Variants in CSMD1 observed in about 807,000 individuals in gnomAD.
CSMD1 encodes CUB and Sushi multiple domains 1.
A neutral mutation model predicts 417.5 loss-of-function variants in CSMD1; 213 were observed. The ratio of observed to expected loss-of-function variants is 0.51; its 90% CI spans 0.46 to 0.57. CSMD1 has a LOEUF of 0.57. Ranked by LOEUF, CSMD1 falls within the 20% of genes least tolerant of loss-of-function variation. The pLI, the probability that CSMD1 is intolerant of heterozygous loss-of-function variation, is 0.00. For synonymous variants in CSMD1, 2,862 were observed against 1,736.8 expected, an observed-to-expected ratio of 1.65 and a Z score of -16.11; for missense variants, 6,923 against 4,529.7, an observed-to-expected ratio of 1.53 and a Z score of -15.17.
At chr8:4,291,488 C>T (rs1042299139) in intron 3 of CSMD1, among the ~76,000 whole-genome samples, 24 of 152,162 alleles carry the variant, frequency 1.6e-4, no homozygotes, top group Admixed American at 3.9e-4. Flanking sequence ...TACTAATTCC[C>T]AGTGATTCTG....
chr8:4,073,612 G>C (rs1437013324), intron 3 of CSMD1, among the ~76,000 whole-genome samples: 3 of 152,162 alleles, frequency 2.0e-5, no homozygotes, highest in African/African-American at 7.2e-5. Context: ...GATAAATAAA[G>C]CAAAATGAAT....
rs750116160 is a variant in CSMD1 at position 3,359,277 on chromosome 8, T to C, written c.3179A>G (p.His1060Arg). 1.9e-6 allele frequency: 3 copies of C among 1,613,736 alleles called. No homozygotes were observed. The highest frequency in any genetic ancestry group is 1.1e-5 in the South Asian group (1 of 91,066). The change falls in exon 21 of 70, where the codon CAC becomes CGC. Residue 1060 changes from histidine to arginine, a missense_variant. By Grantham distance (29) the His-to-Arg change is conservative. Transcript: ENST00000635120. ...CGTCAGAGAGTCTCCCACACCAAAG[T>C]GAAAACCAATTCTTCGGCTGAAGGC... ...VPAFSRRIGF[H>R]FGVGDSLTFS...
intron 3 of CSMD1, among the ~76,000 whole-genome samples, chr8:4,392,664 TA>T (rs199920600): frequency 0.03 from 4,477 of 147,378 alleles, 207 homozygotes; most frequent in African/African-American, 0.1. Context: ...TTATTATTAT[TA>T]TTTTTTTTTG....
At chr8:4,718,567 T>C (rs1254368695) in intron 1 of CSMD1, among the ~76,000 whole-genome samples, 1 of 151,930 alleles carries the variant, frequency 6.6e-6, no homozygotes, top group Non-Finnish European at 1.5e-5. Flanking sequence ...AAGAAAAAAT[T>C]TATAAAACAT....
chr8:3,076,177 T>G (rs528172326), intron 49 of CSMD1, among the ~76,000 whole-genome samples: 1 of 152,234 alleles, frequency 6.6e-6, no homozygotes, highest in Non-Finnish European at 1.5e-5. Context: ...CTCACAGTCC[T>G]GGAGGCCGGA....
chr8:4,155,993 A>G (rs1404635080), intron 3 of CSMD1, among the ~76,000 whole-genome samples: 1 of 152,182 alleles, frequency 6.6e-6, no homozygotes, highest in African/African-American at 2.4e-5. Context: ...ATAAACATCA[A>G]AAAAGCCTAA....
chr8:4,636,400 T>A (rs1046987037), intron 2 of CSMD1, among the ~76,000 whole-genome samples: 1 of 152,164 alleles, frequency 6.6e-6, no homozygotes, highest in African/African-American at 2.4e-5. Flanking sequence ...AAATTACGAA[T>A]AGATTGTACC....
intron 5 of CSMD1, among the ~76,000 whole-genome samples, chr8:3,953,287 T>C (rs989696575): frequency 1.3e-5 from 2 of 152,166 alleles, no homozygotes; most frequent in Non-Finnish European, 2.9e-5. Context: ...AGAATTCAAC[T>C]CAGAAATTCT....
At chr8:3,991,572 G>C (rs543590571) in intron 5 of CSMD1, among the ~76,000 whole-genome samples, 1 of 152,154 alleles carries the variant, frequency 6.6e-6, no homozygotes, top group African/African-American at 2.4e-5. Context: ...AAAGAAACAC[G>C]TAAGAGTAGC....
chr8:4,301,480 G>A (rs1207649016), intron 3 of CSMD1, among the ~76,000 whole-genome samples: 2 of 152,168 alleles, frequency 1.3e-5, no homozygotes, highest in South Asian at 2.1e-4. Context: ...GGATCTTGAT[G>A]CCACTTGCAT....
chr8:3,299,519 A>G (rs1043610447), intron 25 of CSMD1, among the ~76,000 whole-genome samples: 2 of 152,012 alleles, frequency 1.3e-5, no homozygotes, highest in African/African-American at 2.4e-5. Context: ...CAGGCACGTG[A>G]GGAAAAGCAC....
intron 12 of CSMD1, among the ~76,000 whole-genome samples, chr8:3,466,745 A>G (rs969918613): frequency 6.6e-6 from 1 of 152,010 alleles, no homozygotes; most frequent in Non-Finnish European, 1.5e-5. Context: ...CTGATAATAT[A>G]ATTTATGAAT....
intron 5 of CSMD1, among the ~76,000 whole-genome samples, chr8:3,988,670 A>G (rs2130260714): frequency 6.6e-6 from 1 of 152,362 alleles, no homozygotes; most frequent in Middle Eastern, 3.4e-3. Context: ...CTGTTATCAC[A>G]TTTCATTTTT....
intron 2 of CSMD1, among the ~76,000 whole-genome samples, chr8:4,529,072 G>A (rs900046290): frequency 6.6e-6 from 1 of 152,114 alleles, no homozygotes; most frequent in Non-Finnish European, 1.5e-5. Flanking sequence ...CTGAAAAGTT[G>A]ATCAGAGGAT....
chr8:3,979,184 T>C (rs1813664932), intron 5 of CSMD1, among the ~76,000 whole-genome samples: 1 of 152,220 alleles, frequency 6.6e-6, no homozygotes, highest in Non-Finnish European at 1.5e-5. Flanking sequence ...CTTAGCACAC[T>C]AACAGACAGG....
chr8:4,009,765 G>A (rs1816401901), intron 4 of CSMD1, among the ~76,000 whole-genome samples: 1 of 151,990 alleles, frequency 6.6e-6, no homozygotes, highest in African/African-American at 2.4e-5. Context: ...GAGCCAGAAT[G>A]AAAGGAACCC....
At chr8:3,106,831 T>C in intron 45 of CSMD1, 190 bp from the exon 46 acceptor site, 1 of 477,786 alleles carries the variant, frequency 2.1e-6, no homozygotes, top group Admixed American at 3.8e-5. Flanking sequence ...AAATGCTCTA[T>C]TAAGCTTAGC....
At chr8:3,490,453 G>A (rs2117286660) in intron 11 of CSMD1, among the ~76,000 whole-genome samples, 1 of 152,142 alleles carries the variant, frequency 6.6e-6, no homozygotes, top group East Asian at 1.9e-4. Flanking sequence ...TTTAAATTTT[G>A]CAGTTATTTA....
At chr8:3,071,453 G>A (rs779878586) in intron 49 of CSMD1, among the ~76,000 whole-genome samples, 2 of 152,020 alleles carry the variant, frequency 1.3e-5, no homozygotes, top group Non-Finnish European at 2.9e-5. Flanking sequence ...AACCACCATG[G>A]CACATGTATG....
Sources: gnomAD v4.1 joint callset for allele counts (sites outside exome capture counted in the v4.1 genomes callset) on GRCh38, gnomAD v4.1.1 for gene constraint, MANE v1.5 for transcripts, NCBI Gene and HGNC (gene_info 2026-07-23, HGNC 2026-07-21) for gene names.